RBL2: variants seen among roughly 807,000 people sequenced by gnomAD.
RBL2 encodes retinoblastoma-like protein 2.
In RBL2, 56 loss-of-function variants were observed where a neutral mutation model predicts 126.0. The observed-to-expected ratio is 0.44, with a 90% confidence interval of 0.36 to 0.56. The LOEUF is 0.56. Among genes scored for constraint, RBL2 ranks in the 20% least tolerant of loss-of-function variants. RBL2 has a pLI of 0.00. For missense variants in RBL2, 1,229 were observed against 1,398.2 expected, an observed-to-expected ratio of 0.88 and a Z score of 1.93; for synonymous variants, 454 against 478.5, an observed-to-expected ratio of 0.95 and a Z score of 0.67.
chr16:53,447,681 G>C (rs2058075360), intron 4 of RBL2, among the ~76,000 whole-genome samples: 1 of 151,680 alleles, frequency 6.6e-6, no homozygotes, highest in Admixed American at 6.6e-5. Context: ...ATCTCATTCT[G>C]TCTCCCAGGG....
At chr16:53,444,746 G>T (rs1469266092) in intron 3 of RBL2, among the ~76,000 whole-genome samples, 1 of 151,862 alleles carries the variant, frequency 6.6e-6, no homozygotes, top group Non-Finnish European at 1.5e-5. Flanking sequence ...TACTTGAGAG[G>T]CTGAGGCAGG....
rs2058223698 is a variant in RBL2 at position 53,461,778 on chromosome 16, A to G, written c.1384A>G (p.Arg462Gly). ...SRDPTQAIAN[R>G]LKEMFEIYSQ... ...AGATCCAACCCAGGCTATTGCTAAC[A>G]GACTGAAAGAAATGTTTGAAATATA... The change falls in exon 10 of 22, where the codon AGA becomes GGA. Residue 462 changes from arginine (R) to glycine (G), a missense_variant. Around this residue, in one of 2 missense-constraint regions of RBL2, gnomAD observed 1,070 missense variants for 1,274.3 expected, o/e 0.84. Coordinates refer to ENST00000262133, the MANE Select transcript of RBL2 (RefSeq NM_005611.4). 1 of 1,609,698 alleles carries G rather than the reference A, an allele frequency of 6.2e-7. No homozygotes were observed. Among genetic ancestry groups the G allele is most frequent in the Non-Finnish European group, 8.5e-7 (1 of 1,178,468 alleles).
chr16:53,440,700 C>A (rs141169797), intron 2 of RBL2, among the ~76,000 whole-genome samples: 3 of 152,058 alleles, frequency 2.0e-5, no homozygotes, highest in African/African-American at 7.2e-5. Flanking sequence ...ATTACAGATG[C>A]GCACCACCAC....
intron 21 of RBL2, among the ~76,000 whole-genome samples, chr16:53,486,972 G>A (rs1460985544): frequency 3.9e-5 from 6 of 151,962 alleles, no homozygotes; most frequent in Admixed American, 1.3e-4. Flanking sequence ...AATTACTTAG[G>A]GGTAGGTATG....
At chr16:53,435,029 C>T (rs1372690420) in intron 1 of RBL2, among the ~76,000 whole-genome samples, 2 of 152,182 alleles carry the variant, frequency 1.3e-5, no homozygotes, top group Admixed American at 1.3e-4. Flanking sequence ...CCTAAAGTAG[C>T]ACAGCAAGGC....
At chr16:53,483,552 A>T (rs1466110622) in intron 21 of RBL2, among the ~76,000 whole-genome samples, 1 of 152,068 alleles carries the variant, frequency 6.6e-6, no homozygotes, top group African/African-American at 2.4e-5. Context: ...TGGAAAAAAA[A>T]GTTGAGGAAA....
intron 3 of RBL2, among the ~76,000 whole-genome samples, chr16:53,444,321 G>C (rs560079805): frequency 6.6e-6 from 1 of 151,790 alleles, no homozygotes; most frequent in Non-Finnish European, 1.5e-5. Context: ...GGGAGGCCAA[G>C]GCGGGTGGAT....
At chr16:53,458,575 A>G (rs1461168886) in intron 8 of RBL2, among the ~76,000 whole-genome samples, 1 of 152,204 alleles carries the variant, frequency 6.6e-6, no homozygotes, top group Non-Finnish European at 1.5e-5. Context: ...CTGTCTCTGA[A>G]GCAAATTTGA....
At chr16:53,472,146 T>G (rs913943938) in intron 17 of RBL2, among the ~76,000 whole-genome samples, 5 of 152,192 alleles carry the variant, frequency 3.3e-5, no homozygotes, top group African/African-American at 1.2e-4. Flanking sequence ...AGGCACAATT[T>G]TTTTCTCCAC....
At chr16:53,468,156 C>A (rs1308277109) in intron 14 of RBL2, among the ~76,000 whole-genome samples, 1 of 152,172 alleles carries the variant, frequency 6.6e-6, no homozygotes, top group Non-Finnish European at 1.5e-5. Flanking sequence ...ATCCTTGGAT[C>A]CAATTAAAAG....
chr16:53,462,644 A>G lies in RBL2; in HGVS notation c.1549A>G (p.Met517Val), dbSNP rs763045388. The G allele has an allele frequency of 3.2e-6, 5 of 1,539,444 alleles. No individual in the cohort carries two copies. Among genetic ancestry groups the G allele is most frequent in the African/African-American group, 1.4e-5 (1 of 70,926 alleles). Reference protein sequence around the residue: ...IEQEQKRLGDMDLSGILEQDA... With the variant: ...IEQEQKRLGDVDLSGILEQDA... ...GCAGGAACAAAAAAGACTAGGAGAC[A>G]TGGATTTATCTGTGAGTAAAATAAC... The change falls in exon 11 of 22, where the codon ATG becomes GTG. Residue 517 changes from methionine (M) to valine (V), a missense_variant. Around this residue, in one of 2 missense-constraint regions of RBL2, gnomAD observed 1,070 missense variants for 1,274.3 expected, o/e 0.84. Coordinates refer to ENST00000262133, the MANE Select transcript of RBL2 (RefSeq NM_005611.4).
chr16:53,436,324 T>C (rs1463759334), intron 1 of RBL2, among the ~76,000 whole-genome samples: 2 of 152,234 alleles, frequency 1.3e-5, no homozygotes, highest in Non-Finnish European at 2.9e-5. Context: ...TGAAGTCTAG[T>C]GATACATGAG....
At chr16:53,462,875 C>G (rs1257259626) in intron 11 of RBL2, among the ~76,000 whole-genome samples, 2 of 152,196 alleles carry the variant, frequency 1.3e-5, no homozygotes, top group Non-Finnish European at 2.9e-5. Context: ...GAGTCTTGCG[C>G]TGTCGCCAAG....
intron 1 of RBL2, chr16:53,435,765 T>G (rs2057952953): frequency 1.6e-6 from 2 of 1,282,002 alleles, no homozygotes; most frequent in Non-Finnish European, 2.0e-6. Flanking sequence ...AATATGATGT[T>G]TTTGGCTATG....
intron 1 of RBL2, 111 bp downstream of exon 1, chr16:53,434,907 C>T: frequency 4.4e-6 from 6 of 1,376,112 alleles, no homozygotes; most frequent in Non-Finnish European, 5.6e-6. Flanking sequence ...GCTCCCAGCC[C>T]CGAGAGGGGT....
intron 21 of RBL2, among the ~76,000 whole-genome samples, chr16:53,483,942 AAG>A (rs1961057438): frequency 1.4e-5 from 2 of 142,514 alleles, no homozygotes; most frequent in Admixed American, 6.8e-5. Context: ...AAAAAAAAAA[AAG>A]GTGTAAAGGT....
At chr16:53,480,816 T>G in intron 20 of RBL2, 47 bp downstream of exon 20, 1 of 1,546,074 alleles carries the variant, frequency 6.5e-7, no homozygotes, top group Non-Finnish European at 8.9e-7. Context: ...TCATGAGTGT[T>G]GAGGAATCAT....
At chr16:53,445,250 C>G (rs544459205) in intron 3 of RBL2, among the ~76,000 whole-genome samples, 1 of 151,082 alleles carries the variant, frequency 6.6e-6, no homozygotes, top group Non-Finnish European at 1.5e-5. Context: ...TCACTTGAGC[C>G]TGGGAGGTTG....
chr16:53,479,218 G>T lies in RBL2; in HGVS notation c.2768G>T (p.Arg923Leu). Reference protein sequence around the residue: ...MRCYRTQPQARSQVYRSVLIK... With the variant: ...MRCYRTQPQALSQVYRSVLIK... ...TGTTATAGGACTCAGCCGCAGGCCC[G>T]GAGCCAGGTAACTACATTTTCTCTA... Residue 923 changes from arginine (R) to leucine (L), a missense_variant, in exon 18 of 22, where the codon CGG becomes CTG. Arg to Leu is a moderately radical substitution (Grantham distance 102). Around this residue, in one of 2 missense-constraint regions of RBL2, gnomAD observed 1,070 missense variants for 1,274.3 expected, o/e 0.84. Transcript: ENST00000262133. 1 of 1,612,842 alleles carries T rather than the reference G, an allele frequency of 6.2e-7. No homozygotes were observed. Among genetic ancestry groups the T allele is most frequent in the Non-Finnish European group, 8.5e-7 (1 of 1,178,916 alleles).
Sources: gnomAD v4.1 joint callset for allele counts (sites outside exome capture counted in the v4.1 genomes callset) on GRCh38, gnomAD v4.1.1 for gene constraint, gnomAD v4.1.1 regional missense constraint, MANE v1.5 for transcripts, NCBI Gene and HGNC (gene_info 2026-07-23, HGNC 2026-07-21) for gene names.